Variants in AGBL1 observed in about 807,000 individuals in gnomAD.
The protein encoded by AGBL1 is cytosolic carboxypeptidase 4.
A neutral mutation model predicts 118.9 loss-of-function variants in AGBL1; 130 were observed. The ratio of observed to expected loss-of-function variants is 1.09; its 90% CI spans 0.95 to 1.26. The LOEUF is 1.26. AGBL1 is among the 50% of genes most tolerant of loss of function. The pLI, the probability that AGBL1 is intolerant of heterozygous loss-of-function variation, is 0.00. For synonymous variants in AGBL1, 555 were observed against 478.9 expected, an observed-to-expected ratio of 1.16 and a Z score of -2.08; for missense variants, 1,584 against 1,298.1, an observed-to-expected ratio of 1.22 and a Z score of -3.38.
At chr15:86,986,579 G>A (rs1448050056) in intron 23 of AGBL1, among the ~76,000 whole-genome samples, 2 of 152,118 alleles carry the variant, frequency 1.3e-5, no homozygotes, top group Non-Finnish European at 2.9e-5. Context: ...AAAAGGGGAG[G>A]AAGATGTAGA....
At chr15:86,586,879 A>G (rs568851919) in intron 21 of AGBL1, among the ~76,000 whole-genome samples, 6 of 152,102 alleles carry the variant, frequency 3.9e-5, no homozygotes, top group African/African-American at 1.4e-4. Flanking sequence ...GTTATTTGTC[A>G]TGTGATGCCA....
chr15:86,502,075 A>G (rs1488121075), intron 18 of AGBL1, among the ~76,000 whole-genome samples: 3 of 151,616 alleles, frequency 2.0e-5, no homozygotes, highest in Non-Finnish European at 4.4e-5. Context: ...TCATGAGTAC[A>G]GGATATCTTA....
At chr15:86,837,224 C>CA (rs71230682) in intron 22 of AGBL1, among the ~76,000 whole-genome samples, 53,071 of 137,386 alleles carry the variant, frequency 0.39, 10,737 homozygotes, top group East Asian at 0.63. Context: ...TCCTGACTAT[C>CA]AAAAAAAAAA....
chr15:86,592,895 C>A (rs1233480321), intron 21 of AGBL1, among the ~76,000 whole-genome samples: 1 of 152,104 alleles, frequency 6.6e-6, no homozygotes, highest in Non-Finnish European at 1.5e-5. Flanking sequence ...CCATCTCCTG[C>A]CCTGCTTATA....
chr15:86,614,557 TG>T (rs1419271499), intron 21 of AGBL1, among the ~76,000 whole-genome samples: 3 of 152,218 alleles, frequency 2.0e-5, no homozygotes, highest in Non-Finnish European at 2.9e-5. Flanking sequence ...AGCTTTGATT[TG>T]TAGTGTTTGC....
At chr15:86,187,765 A>G (rs2077655957) in intron 5 of AGBL1, among the ~76,000 whole-genome samples, 1 of 152,204 alleles carries the variant, frequency 6.6e-6, no homozygotes, top group African/African-American at 2.4e-5. Context: ...CAACCAATGC[A>G]CTATCCCAAG....
At position 86,805,748 on chromosome 15, in the gene AGBL1, C is replaced by G. The variant is rs530836306; in HGVS notation, c.3159-101339C>G. 5.3e-5 allele frequency among the ~76,000 whole-genome samples: 8 copies of G among 152,130 alleles called. No homozygotes were observed. The East Asian group carries it at 1.5e-3, about 29-fold the overall frequency. Reference sequence around the variant, plus strand: ...TCCAAAATAAAATGCTAATTTTGCCCCAAATATACAGGATAGGCATTGACA... The same window carrying G: ...TCCAAAATAAAATGCTAATTTTGCCGCAAATATACAGGATAGGCATTGACA... On this transcript the variant is annotated intron_variant, in intron 22 of 22. Coordinates refer to ENST00000614907, the MANE Select transcript of AGBL1 (RefSeq NM_001386094.1).
intron 24 of AGBL1, among the ~76,000 whole-genome samples, chr15:86,993,440 A>G (rs2081351564): frequency 1.3e-5 from 2 of 152,212 alleles, no homozygotes; most frequent in Non-Finnish European, 2.9e-5. Flanking sequence ...AGGGTGTATT[A>G]TGAATAGGCA....
chr15:86,850,420 C>T (rs1448837306), intron 22 of AGBL1, among the ~76,000 whole-genome samples: 1 of 152,238 alleles, frequency 6.6e-6, no homozygotes, highest in African/African-American at 2.4e-5. Flanking sequence ...TTTCCTATAG[C>T]ACCGACTACA....
chr15:86,281,364 C>A (rs777775304), intron 16 of AGBL1, among the ~76,000 whole-genome samples: 1 of 152,006 alleles, frequency 6.6e-6, no homozygotes, highest in Non-Finnish European at 1.5e-5. Flanking sequence ...TCGTGGGCAA[C>A]CAAGGGAGAC....
At chr15:86,654,525 ATAGT>A (rs1450034026) in intron 21 of AGBL1, among the ~76,000 whole-genome samples, 4 of 152,176 alleles carry the variant, frequency 2.6e-5, no homozygotes, top group South Asian at 2.1e-4. Context: ...AATGAAGTTA[ATAGT>A]TAGTGTCCAT....
intron 21 of AGBL1, among the ~76,000 whole-genome samples, chr15:86,653,510 C>T (rs568740004): frequency 1.2e-4 from 19 of 152,290 alleles, no homozygotes; most frequent in Middle Eastern, 3.4e-3. Context: ...TGATGAGCAG[C>T]GCACAATCTA....
chr15:86,626,683 CATT>C (rs2084891375), intron 21 of AGBL1, among the ~76,000 whole-genome samples: 1 of 151,962 alleles, frequency 6.6e-6, no homozygotes, highest in Non-Finnish European at 1.5e-5. Flanking sequence ...GAAAGGGTTA[CATT>C]TGGAGAACAG....
intron 18 of AGBL1, among the ~76,000 whole-genome samples, chr15:86,521,616 T>C (rs2083189842): frequency 6.6e-6 from 1 of 152,056 alleles, no homozygotes; most frequent in Non-Finnish European, 1.5e-5. Context: ...CCCCTAAACG[T>C]TGAAGAGGTA....
chr15:86,885,141 T>A (rs1018148673), intron 22 of AGBL1, among the ~76,000 whole-genome samples: 3 of 152,074 alleles, frequency 2.0e-5, no homozygotes, highest in African/African-American at 4.8e-5. Context: ...TATACTGTTC[T>A]TTGTTATGAT....
At chr15:86,253,666 A>G (rs181270735) in intron 7 of AGBL1, among the ~76,000 whole-genome samples, 83 of 152,304 alleles carry the variant, frequency 5.4e-4, no homozygotes, top group African/African-American at 1.9e-3. Context: ...TATTTCTATC[A>G]AGTTTGAAGC....
intron 22 of AGBL1, among the ~76,000 whole-genome samples, chr15:86,695,271 G>C (rs1434584025): frequency 1.3e-5 from 2 of 151,856 alleles, no homozygotes; most frequent in African/African-American, 2.4e-5. Flanking sequence ...CAATCTTGCT[G>C]CTTGTTATTG....
intron 16 of AGBL1, among the ~76,000 whole-genome samples, chr15:86,289,266 A>T (rs1467986525): frequency 2.6e-5 from 4 of 151,864 alleles, no homozygotes; most frequent in Admixed American, 6.6e-5. Flanking sequence ...GTTTCATGCT[A>T]TTTTCCATGC....
chr15:86,560,747 G>C (rs927883032), intron 21 of AGBL1, among the ~76,000 whole-genome samples: 2 of 152,192 alleles, frequency 1.3e-5, no homozygotes, highest in African/African-American at 2.4e-5. Context: ...CCAGTTTACA[G>C]TCCCACCAAC....
Sources: gnomAD v4.1 joint callset for allele counts (sites outside exome capture counted in the v4.1 genomes callset) on GRCh38, gnomAD v4.1.1 for gene constraint, MANE v1.5 for transcripts, NCBI Gene and HGNC (gene_info 2026-07-23, HGNC 2026-07-21) for gene names.